The following IGSF21 variants were observed in gnomAD, a reference collection of about 807,000 sequenced individuals.
IGSF21 encodes the protein immunoglobulin superfamily member 21.
Under a neutral mutation model 46.8 loss-of-function variants are expected in IGSF21, and 28 were observed. The observed-to-expected ratio is 0.60, with a 90% CI of 0.44 to 0.82. The LOEUF (loss-of-function observed/expected upper bound fraction) is 0.82, where lower values mean the gene tolerates loss of function less well. Among genes scored for constraint, IGSF21 ranks in the 40% least tolerant of loss-of-function variants. The pLI is 0.00. For missense variants in IGSF21, 624 were observed against 665.5 expected (o/e 0.94, Z 0.69); for synonymous variants, 284 against 273.6 (o/e 1.04, Z -0.38).
chr1:18,148,315 G>A (rs528764525), intron 1 of IGSF21, among the ~76,000 whole-genome samples: 14 of 151,914 alleles, frequency 9.2e-5, no homozygotes, highest in Non-Finnish European at 1.9e-4. Context: ...TGTATTTTTA[G>A]TAGAGATGGG....
At chr1:18,296,478 G>A (rs2085313397) in intron 3 of IGSF21, among the ~76,000 whole-genome samples, 1 of 152,154 alleles carries the variant, frequency 6.6e-6, no homozygotes, top group African/African-American at 2.4e-5. Flanking sequence ...CCTGAGCTAA[G>A]GGCAGTAAAC....
At position 18,109,193 on chromosome 1, in the gene IGSF21, A is replaced by G. The variant is rs1000721764; in HGVS notation, c.70+995A>G. On this transcript the variant is annotated intron_variant, in intron 1 of 9. Transcript: ENST00000251296. This position sits in a 1 kb window ranked among gnomAD's most constrained non-coding sequence, Gnocchi z 4.8. ...TGGAGCTGAACCCTTTCGCGCAGTG[A>G]GCAGAGAGCCAACGTGAGGCTAAAA... Among the ~76,000 whole-genome samples, 7 of 151,754 alleles carry G rather than the reference A, an allele frequency of 4.6e-5. No individual in the cohort carries two copies. The highest frequency in any genetic ancestry group is 1.7e-4 in the African/African-American group (7 of 41,282).
intron 4 of IGSF21, among the ~76,000 whole-genome samples, chr1:18,350,646 CCCCCTCCCACAAAAAAAAATA>C (rs2085942855): frequency 2.0e-5 from 3 of 152,044 alleles, no homozygotes; most frequent in African/African-American, 7.2e-5. Context: ...AAAAATGCAT[CCCCCTCCCACAAAAAAAAATA>C]CCCCTCCCAC....
In IGSF21 at chr1:18,365,587, G is replaced by A. The variant is rs149114276; in HGVS notation, c.905G>A (p.Arg302His). ...AGCAGTGACGGCACTGTGGAAGTAC[G>A]TGCCCTGCTCACCTGGACCCTCAAC... Reference protein sequence around the residue: ...TPSSDGTVEVRALLTWTLNPQ... With the variant: ...TPSSDGTVEVHALLTWTLNPQ... The change falls in exon 6 of 10, where the codon CGT (arginine) becomes CAT (histidine). Residue 302 changes from arginine to histidine, a missense_variant. Coordinates refer to ENST00000251296, the MANE Select transcript of IGSF21 (RefSeq NM_032880.5). This position sits in a 1 kb window ranked among gnomAD's most constrained non-coding sequence, Gnocchi z 4.8. 22 of 1,614,038 alleles carry A rather than the reference G, an allele frequency of 1.4e-5. No homozygotes were observed. Among genetic ancestry groups the A allele is most frequent in the African/African-American group, 9.3e-5 (7 of 74,910 alleles).
intron 1 of IGSF21, among the ~76,000 whole-genome samples, chr1:18,138,617 C>T (rs1423977829): frequency 6.6e-6 from 1 of 152,168 alleles, no homozygotes; most frequent in Non-Finnish European, 1.5e-5. Context: ...GTGGGACATA[C>T]TCTGAATCAC....
rs759053407 is a variant in IGSF21 at position 18,334,850 on chromosome 1, C to T, written c.306-42C>T. The T allele has an allele frequency of 1.4e-6, 2 of 1,461,986 alleles. No homozygotes were observed. The highest frequency in any genetic ancestry group is 1.4e-5 in the African/African-American group (1 of 71,910). 90.6% of individuals were successfully genotyped at this position (1,461,986 alleles called of 1,614,324 possible). On this transcript the variant is annotated intron_variant, in intron 3 of 9. Coordinates refer to ENST00000251296, the MANE Select transcript of IGSF21 (RefSeq NM_032880.5). This position sits in a 1 kb window ranked among gnomAD's most constrained non-coding sequence, Gnocchi z 4.3. ...TTCCTTGAACGCTGCCTCACCCAGCCCCACGATGAAGGGCCCTCACCCTGT... is the reference window on the plus strand; with the variant it reads ...TTCCTTGAACGCTGCCTCACCCAGCTCCACGATGAAGGGCCCTCACCCTGT...
At chr1:18,226,872 G>T (rs2084572549) in intron 1 of IGSF21, among the ~76,000 whole-genome samples, 1 of 152,238 alleles carries the variant, frequency 6.6e-6, no homozygotes, top group Admixed American at 6.5e-5. Flanking sequence ...GAGCCTGGAT[G>T]ATCAGCCCAG....
intron 3 of IGSF21, among the ~76,000 whole-genome samples, chr1:18,329,401 C>T (rs11811073): frequency 0.023 from 3,449 of 152,292 alleles, 134 homozygotes; most frequent in African/African-American, 0.077. Context: ...ACATCACATG[C>T]TAGTCAGGTG....
intron 3 of IGSF21, among the ~76,000 whole-genome samples, chr1:18,309,813 G>A: frequency 6.6e-6 from 1 of 152,172 alleles, no homozygotes; most frequent in East Asian, 1.9e-4. Flanking sequence ...AACGGAGCAG[G>A]ACCGGCAGAG....
intron 2 of IGSF21, among the ~76,000 whole-genome samples, chr1:18,269,342 A>C (rs960879432): frequency 6.6e-6 from 1 of 152,196 alleles, no homozygotes; most frequent in Non-Finnish European, 1.5e-5. Flanking sequence ...CAGTGGATGC[A>C]GAAGGATCCA....
At position 18,359,386 on chromosome 1, in the gene IGSF21, G is replaced by GAAA. The variant is rs1399252603; in HGVS notation, c.425-2729_425-2728insAAA. 7.5e-3 allele frequency among the ~76,000 whole-genome samples: 431 copies of GAAA among 57,660 alleles called. 4 individuals carry two copies. The highest frequency in any genetic ancestry group is 0.019 in the African/African-American group (294 of 15,290). 37.8% of individuals were successfully genotyped at this position (57,660 alleles called of 152,430 possible). On this transcript the variant is annotated intron_variant, in intron 4 of 9. Transcript: ENST00000251296. Reference sequence around the variant, plus strand: ...AGAAAGAAAGAAAGAAAGAAAGAAAGGAAGGAAGGAAGGAAGGAAGGAAGG... The same window carrying GAAA: ...AGAAAGAAAGAAAGAAAGAAAGAAAGAAAGAAGGAAGGAAGGAAGGAAGGAAGG...
chr1:18,271,356 A>G (rs892144162), intron 2 of IGSF21, among the ~76,000 whole-genome samples: 13 of 152,192 alleles, frequency 8.5e-5, no homozygotes, highest in Admixed American at 6.5e-4. Context: ...TGACTTGCCC[A>G]GATGTTTCCC....
intron 1 of IGSF21, among the ~76,000 whole-genome samples, chr1:18,206,416 G>A (rs1056688316): frequency 1.1e-4 from 16 of 152,106 alleles, no homozygotes; most frequent in African/African-American, 3.9e-4. Context: ...GGGTGTGGTG[G>A]TGCATGCCTG....
intron 1 of IGSF21, among the ~76,000 whole-genome samples, chr1:18,149,004 A>G (rs4920440): frequency 0.67 from 102,101 of 152,142 alleles, 34,431 homozygotes; most frequent in South Asian, 0.76. Flanking sequence ...TGTCAGCAAG[A>G]CGTGCTCACC....
chr1:18,128,924 G>T (rs1056726014), intron 1 of IGSF21, among the ~76,000 whole-genome samples: 2 of 152,070 alleles, frequency 1.3e-5, no homozygotes, highest in Non-Finnish European at 2.9e-5. Flanking sequence ...AGCCTCCAGC[G>T]CTTGGGTGAG....
intron 3 of IGSF21, among the ~76,000 whole-genome samples, chr1:18,294,962 TC>T (rs529517699): frequency 1.3e-4 from 20 of 152,042 alleles, no homozygotes; most frequent in African/African-American, 4.3e-4. Context: ...CGAGAGAGAG[TC>T]CCAGCTCCAC....
chr1:18,205,882 G>A (rs535984878), intron 1 of IGSF21, among the ~76,000 whole-genome samples: 15 of 152,330 alleles, frequency 9.8e-5, no homozygotes, highest in Middle Eastern at 6.8e-3. Context: ...GTTACAGAAT[G>A]GTTGGGTTGA....
chr1:18,340,996 C>CTT (rs2085829896), intron 4 of IGSF21, among the ~76,000 whole-genome samples: 5 of 106,364 alleles, frequency 4.7e-5, no homozygotes, highest in African/African-American at 1.1e-4. Flanking sequence ...TTCTTCTTCT[C>CTT]CTCCTCCTCC....
intron 4 of IGSF21, among the ~76,000 whole-genome samples, chr1:18,360,099 C>T (rs940055517): frequency 5.3e-5 from 8 of 152,166 alleles, no homozygotes; most frequent in African/African-American, 1.9e-4. Flanking sequence ...GAACTCAGAA[C>T]AGGTCCTGAT....
Sources: gnomAD v4.1 joint callset for allele counts (sites outside exome capture counted in the v4.1 genomes callset) on GRCh38, gnomAD v4.1.1 for gene constraint, Gnocchi (gnomAD v3.1) non-coding constraint, MANE v1.5 for transcripts, NCBI Gene and HGNC (gene_info 2026-07-23, HGNC 2026-07-21) for gene names.